BBS9: variants seen among roughly 807,000 people sequenced by gnomAD.
BBS9 encodes protein PTHB1.
BBS9 carries 89 observed loss-of-function variants against 117.7 expected under a neutral mutation model. That is an observed-to-expected ratio of 0.76 (90% CI 0.64 to 0.90). The LOEUF (loss-of-function observed/expected upper bound fraction) is 0.90, where lower values mean the gene tolerates loss of function less well. Among genes scored for constraint, BBS9 ranks in the 40% least tolerant of loss-of-function variants. BBS9 has a pLI of 0.00. For synonymous variants in BBS9, 379 were observed against 370.9 expected (o/e 1.02, Z -0.25); for missense variants, 982 against 1,042.2 (o/e 0.94, Z 0.80).
At chr7:33,165,936 A>T (rs1795611747) in intron 4 of BBS9, among the ~76,000 whole-genome samples, 2 of 152,078 alleles carry the variant, frequency 1.3e-5, no homozygotes, top group African/African-American at 4.8e-5. Context: ...TAGAATTTTC[A>T]GCTTTTCTGC....
chr7:33,564,352 AG>A (rs1047682906), intron 21 of BBS9, among the ~76,000 whole-genome samples: 8 of 152,194 alleles, frequency 5.3e-5, no homozygotes, highest in African/African-American at 1.9e-4. Flanking sequence ...GTTATATTTC[AG>A]GGGCATTATA....
At chr7:33,273,433 A>G (rs1448408990) in intron 8 of BBS9, among the ~76,000 whole-genome samples, 1 of 152,232 alleles carries the variant, frequency 6.6e-6, no homozygotes, top group Non-Finnish European at 1.5e-5. Flanking sequence ...TCCGGCATAC[A>G]TTAATACTTT....
chr7:33,324,744 A>G (rs1812497820), intron 9 of BBS9, among the ~76,000 whole-genome samples: 1 of 152,028 alleles, frequency 6.6e-6, no homozygotes, highest in South Asian at 2.1e-4. Flanking sequence ...TTTGCTGGAT[A>G]TACTATTCTA....
chr7:33,537,178 A>AT (rs751842553), intron 21 of BBS9, among the ~76,000 whole-genome samples: 1 of 152,190 alleles, frequency 6.6e-6, no homozygotes, highest in Non-Finnish European at 1.5e-5. Flanking sequence ...TAATTTTGCC[A>AT]TGTTCCCTAT....
At chr7:33,209,121 A>T (rs1487599618) in intron 5 of BBS9, among the ~76,000 whole-genome samples, 1 of 152,098 alleles carries the variant, frequency 6.6e-6, no homozygotes, top group African/African-American at 2.4e-5. Context: ...AGACTTTGGT[A>T]ATCATCTTTC....
At chr7:33,469,742 AAC>A (rs1840707857) in intron 19 of BBS9, among the ~76,000 whole-genome samples, 2 of 152,102 alleles carry the variant, frequency 1.3e-5, no homozygotes, top group South Asian at 4.1e-4. Flanking sequence ...AAAAGAGGAG[AAC>A]AAAGAAAAGA....
chr7:33,620,184 A>G (rs1197587612), intron 21 of BBS9, among the ~76,000 whole-genome samples: 3 of 152,044 alleles, frequency 2.0e-5, no homozygotes, highest in African/African-American at 4.8e-5. Flanking sequence ...AAAGATCTTA[A>G]GAGACTAATA....
intron 21 of BBS9, among the ~76,000 whole-genome samples, chr7:33,542,091 C>CTT (rs60822654): frequency 0.46 from 68,017 of 148,210 alleles, 15,846 homozygotes; most frequent in South Asian, 0.57. Flanking sequence ...TGAGTAAGTT[C>CTT]TTTTTTTTTT....
intron 21 of BBS9, among the ~76,000 whole-genome samples, chr7:33,602,604 T>C (rs562811562): frequency 6.6e-6 from 1 of 152,274 alleles, no homozygotes; most frequent in South Asian, 2.1e-4. Flanking sequence ...GGCGCATGCC[T>C]GTAATCACAG....
intron 21 of BBS9, among the ~76,000 whole-genome samples, chr7:33,600,609 A>C (rs1393096383): frequency 2.0e-5 from 3 of 152,206 alleles, no homozygotes; most frequent in Non-Finnish European, 4.4e-5. Context: ...TAAGGAATTC[A>C]GTCTCAGTTA....
At chr7:33,508,621 C>G (rs762556593) in intron 20 of BBS9, among the ~76,000 whole-genome samples, 3 of 152,188 alleles carry the variant, frequency 2.0e-5, no homozygotes, top group Non-Finnish European at 4.4e-5. Flanking sequence ...TGCTTCATTG[C>G]TCCATCAGAG....
intron 9 of BBS9, chr7:33,314,527 G>T: frequency 5.7e-6 from 1 of 176,016 alleles, no homozygotes; most frequent in Non-Finnish European, 1.2e-5. Context: ...TGACTTCAAG[G>T]GTTCCATTTG....
chr7:33,574,827 CT>C (rs1858514092), intron 21 of BBS9, among the ~76,000 whole-genome samples: 1 of 151,482 alleles, frequency 6.6e-6, no homozygotes, highest in Non-Finnish European at 1.5e-5. Flanking sequence ...AGTGGAAAGA[CT>C]TTCAAAAGAA....
chr7:33,537,417 A>G (rs1851622106), intron 21 of BBS9, among the ~76,000 whole-genome samples: 3 of 152,130 alleles, frequency 2.0e-5, no homozygotes, highest in African/African-American at 4.8e-5. Flanking sequence ...ATTCTCTATC[A>G]GTTTTTCCCT....
intron 21 of BBS9, among the ~76,000 whole-genome samples, chr7:33,589,472 G>A (rs1051285920): frequency 3.3e-5 from 5 of 152,146 alleles, no homozygotes; most frequent in African/African-American, 1.2e-4. Context: ...ATTCAGGTAA[G>A]AGATGATGAT....
intron 21 of BBS9, among the ~76,000 whole-genome samples, chr7:33,624,529 T>C (rs1291611898): frequency 6.6e-6 from 1 of 152,224 alleles, no homozygotes. Context: ...TTCCATGTGT[T>C]TTCTTTAAAT....
At chr7:33,281,134 T>C (rs907773429) in intron 9 of BBS9, among the ~76,000 whole-genome samples, 1 of 151,710 alleles carries the variant, frequency 6.6e-6, no homozygotes, top group Non-Finnish European at 1.5e-5. Context: ...ATATTAGTTT[T>C]TCATTACTAT....
At chr7:33,346,581 T>A (rs2128653234) in intron 12 of BBS9, among the ~76,000 whole-genome samples, 1 of 152,334 alleles carries the variant, frequency 6.6e-6, no homozygotes, top group Admixed American at 6.5e-5. Flanking sequence ...TCTTTAACTC[T>A]TTTTTGGCTC....
chr7:33,259,707 C>G (rs550166103), intron 6 of BBS9, among the ~76,000 whole-genome samples: 1 of 152,156 alleles, frequency 6.6e-6, no homozygotes, highest in South Asian at 2.1e-4. Flanking sequence ...AGGGTAAGGG[C>G]TTTGGTACCA....
Sources: gnomAD v4.1 joint callset for allele counts (sites outside exome capture counted in the v4.1 genomes callset) on GRCh38, gnomAD v4.1.1 for gene constraint, MANE v1.5 for transcripts, NCBI Gene and HGNC (gene_info 2026-07-23, HGNC 2026-07-21) for gene names.